The following PITPNM2 variants were observed in gnomAD, a reference collection of about 807,000 sequenced individuals.
The protein encoded by PITPNM2 is membrane-associated phosphatidylinositol transfer protein 2.
PITPNM2 carries 35 observed loss-of-function variants against 132.2 expected under a neutral mutation model. The observed-to-expected ratio is 0.26, with a 90% CI of 0.20 to 0.35. The LOEUF (loss-of-function observed/expected upper bound fraction) is 0.35, where lower values mean the gene tolerates loss of function less well. PITPNM2 is among the 10% of genes least tolerant of loss of function. The pLI, the probability that PITPNM2 is intolerant of heterozygous loss-of-function variation, is 1.00. For missense variants in PITPNM2, 1,332 were observed against 1,912.0 expected, an observed-to-expected ratio of 0.70 and a Z score of 5.66; for synonymous variants, 738 against 799.2, an observed-to-expected ratio of 0.92 and a Z score of 1.29.
At chr12:123,068,283 C>A (rs374880815) in intron 2 of PITPNM2, among the ~76,000 whole-genome samples, 1 of 151,904 alleles carries the variant, frequency 6.6e-6, no homozygotes, top group Non-Finnish European at 1.5e-5. Flanking sequence ...CTGGCTAACA[C>A]GGTGAAACCC....
intron 2 of PITPNM2, among the ~76,000 whole-genome samples, chr12:123,070,796 T>G (rs531108776): frequency 6.6e-6 from 1 of 152,326 alleles, no homozygotes; most frequent in East Asian, 1.9e-4. Context: ...CCAGGCTAGT[T>G]GTGGGGGCAG....
At chr12:123,024,992 A>G (rs1306444621) in intron 3 of PITPNM2, among the ~76,000 whole-genome samples, 1 of 152,210 alleles carries the variant, frequency 6.6e-6, no homozygotes, top group Non-Finnish European at 1.5e-5. Flanking sequence ...TGTGGCAAGC[A>G]GGAAGGGGCC....
At chr12:123,121,731 T>A (rs544468744) in intron 1 of PITPNM2, among the ~76,000 whole-genome samples, 9 of 151,852 alleles carry the variant, frequency 5.9e-5, no homozygotes, top group Admixed American at 3.9e-4. Context: ...TTTTTTTTAG[T>A]AGAGGAAAGG....
At chr12:123,061,189 C>G (rs181189673) in intron 2 of PITPNM2, among the ~76,000 whole-genome samples, 1 of 152,196 alleles carries the variant, frequency 6.6e-6, no homozygotes, top group Admixed American at 6.5e-5. Context: ...CAGTTGACTT[C>G]TTTACACTCA....
chr12:122,988,253 C>T lies in PITPNM2; in HGVS notation c.2978G>A (p.Arg993Gln), dbSNP rs749218405. Residue 993 changes from arginine to glutamine, a missense_variant, in exon 20 of 26, where the codon CGG becomes CAG. Physicochemically the swap from Arg to Gln is conservative, Grantham distance 43 (BLOSUM62 1). This residue lies in a region of PITPNM2 where 251 missense variants were observed against 472.0 expected (regional missense o/e 0.53). Coordinates refer to ENST00000320201, the MANE Select transcript of PITPNM2 (RefSeq NM_020845.3). ...CCTCACCCGCAGCTTCACGTGGGTC[C>T]GCTTGCGCTGCCACTTCTCCCTTGG... ...SKPREKWQRK[R>Q]THVKLRNVTA... 6.2e-7 allele frequency: 1 copy of T among 1,612,886 alleles called. No individual in the cohort carries two copies. The highest frequency in any genetic ancestry group is 1.1e-5 in the South Asian group (1 of 91,084).
chr12:122,999,111 C>CAAAA lies in PITPNM2; in HGVS notation c.1225-1543_1225-1540dup, dbSNP rs5801497. On this transcript the variant is annotated intron_variant, in intron 10 of 25. Coordinates refer to ENST00000320201, the MANE Select transcript of PITPNM2 (RefSeq NM_020845.3). Reference sequence around the variant, plus strand: ...GGGTCACAGAGTGAGACCCTGTCTCCAAAAAAAAAAAAAAAAAGTGGGCAC... The same window carrying CAAAA: ...GGGTCACAGAGTGAGACCCTGTCTCCAAAAAAAAAAAAAAAAAAAAAGTGGGCAC... 1.9e-4 allele frequency among the ~76,000 whole-genome samples: 17 copies of CAAAA among 89,742 alleles called. 1 individual carries two copies. The South Asian group carries it at 4.7e-3, about 25-fold the overall frequency. The allele number at this position is 89,742 out of a possible 152,430, so 58.9% of individuals were successfully genotyped here. A position where few individuals can be genotyped will look rare whatever the true frequency, so the allele number is the denominator to read the frequency against.
chr12:123,075,572 A>G (rs539411397), intron 2 of PITPNM2: 1 of 152,230 alleles, frequency 6.6e-6, no homozygotes, highest in Admixed American at 6.5e-5. Flanking sequence ...AGAACCACTC[A>G]CCGCCTGAAA....
In PITPNM2 at chr12:123,040,087, G is replaced by A. The variant is rs555444589; in HGVS notation, c.-95-5402C>T. On this transcript the variant is annotated intron_variant, in intron 2 of 25. Coordinates refer to ENST00000320201, the MANE Select transcript of PITPNM2 (RefSeq NM_020845.3). ...GGAGGTTGCAGTGAGCCAAGATCGT[G>A]CCACTGCACTCCAGCCTGGGCAACA... is the stretch of plus-strand genomic sequence containing the variant. 1.5e-4 allele frequency among the ~76,000 whole-genome samples: 23 copies of A among 152,224 alleles called. No homozygotes were observed. In the South Asian group the frequency reaches 3.3e-3, roughly 22 times the overall value.
intron 17 of PITPNM2, 95 bp from the exon 18 acceptor site, chr12:122,990,043 G>T (rs2038118875): frequency 8.4e-6 from 9 of 1,069,470 alleles, no homozygotes; most frequent in African/African-American, 1.7e-5. Flanking sequence ...ACAGTGCCAG[G>T]CCTGGAGCTA....
chr12:123,142,506 G>C (rs892390048), intron 1 of PITPNM2, among the ~76,000 whole-genome samples: 2 of 152,086 alleles, frequency 1.3e-5, no homozygotes, highest in Non-Finnish European at 2.9e-5. Flanking sequence ...TTTAGTGTTG[G>C]GTTCTTAAAC....
intron 3 of PITPNM2, among the ~76,000 whole-genome samples, chr12:123,016,505 T>C (rs1165823159): frequency 6.6e-6 from 1 of 151,444 alleles, no homozygotes; most frequent in Non-Finnish European, 1.5e-5. Context: ...TTAGTAGAGA[T>C]GGGGTTTTAC....
At chr12:123,021,256 G>T (rs2039660845) in intron 3 of PITPNM2, among the ~76,000 whole-genome samples, 1 of 152,178 alleles carries the variant, frequency 6.6e-6, no homozygotes, top group East Asian at 1.9e-4. Context: ...CCAGGCAAAA[G>T]GGAGCCACAT....
intron 1 of PITPNM2, among the ~76,000 whole-genome samples, chr12:123,134,431 T>C (rs1483028962): frequency 6.6e-6 from 1 of 152,112 alleles, no homozygotes; most frequent in Non-Finnish European, 1.5e-5. Context: ...CCACACCTCC[T>C]GCAAGAGTCT....
Position 123,100,461 on chromosome 12 carries a change from A to C in PITPNM2, c.-96+9924T>G, listed in dbSNP as rs1306491840. Among the ~76,000 whole-genome samples, 5 of 152,196 alleles carry C rather than the reference A, an allele frequency of 3.3e-5. No individual in the cohort carries two copies. In the East Asian group the frequency reaches 9.6e-4, roughly 29 times the overall value. ...ACCAACATGGTGAAACCCCGTCTCT[A>C]CTAAAAATACAAAAATTAATTGGAC... On this transcript the variant is annotated intron_variant, in intron 2 of 25. Coordinates refer to ENST00000320201, the MANE Select transcript of PITPNM2 (RefSeq NM_020845.3).
chr12:123,085,436 C>A (rs2042084917), intron 2 of PITPNM2, among the ~76,000 whole-genome samples: 1 of 152,164 alleles, frequency 6.6e-6, no homozygotes, highest in African/African-American at 2.4e-5. Context: ...TATTGCAAGA[C>A]TCTGTTCCTA....
chr12:123,131,694 C>T (rs1396161682), intron 1 of PITPNM2, among the ~76,000 whole-genome samples: 2 of 152,198 alleles, frequency 1.3e-5, no homozygotes, highest in Non-Finnish European at 2.9e-5. Flanking sequence ...GCCAGCCACA[C>T]CTTCCACTGC....
chr12:123,069,629 G>A (rs896900596), intron 2 of PITPNM2, among the ~76,000 whole-genome samples: 4 of 152,188 alleles, frequency 2.6e-5, no homozygotes, highest in Middle Eastern at 3.4e-3. Context: ...CCCGTGGGCC[G>A]AGTCAGCACC....
At chr12:123,122,910 C>G (rs531271789) in intron 1 of PITPNM2, among the ~76,000 whole-genome samples, 1 of 152,196 alleles carries the variant, frequency 6.6e-6, no homozygotes, top group African/African-American at 2.4e-5. Flanking sequence ...ACCACTGCCT[C>G]GCACTCACAC....
In PITPNM2 at chr12:123,005,211, T is replaced by G. The variant is rs1476790500; in HGVS notation, c.952+29A>C. The G allele has an allele frequency of 3.1e-6, 5 of 1,594,460 alleles. No individual in the cohort carries two copies. Among genetic ancestry groups the G allele is most frequent in the Non-Finnish European group, 4.3e-6 (5 of 1,168,482 alleles). Reference sequence around the variant, plus strand: ...CTGCCTTGAGGGGAGGGACCTTGAGTGTGGGTGGCAGGTGGCGCAGGGCCT... The same window carrying G: ...CTGCCTTGAGGGGAGGGACCTTGAGGGTGGGTGGCAGGTGGCGCAGGGCCT... On this transcript the variant is annotated intron_variant, in intron 7 of 25. Coordinates refer to ENST00000320201, the MANE Select transcript of PITPNM2 (RefSeq NM_020845.3). This position sits in a 1 kb window ranked among gnomAD's most constrained non-coding sequence, Gnocchi z 6.2.
Sources: gnomAD v4.1 joint callset for allele counts (sites outside exome capture counted in the v4.1 genomes callset) on GRCh38, gnomAD v4.1.1 for gene constraint, gnomAD v4.1.1 regional missense constraint, Gnocchi (gnomAD v3.1) non-coding constraint, MANE v1.5 for transcripts, NCBI Gene and HGNC (gene_info 2026-07-23, HGNC 2026-07-21) for gene names.